The following RNF19B variants were observed in gnomAD, a reference collection of about 807,000 sequenced individuals.
The protein encoded by RNF19B is ring finger protein 19B.
Under a neutral mutation model 65.5 loss-of-function variants are expected in RNF19B, and 23 were observed. That is an observed-to-expected ratio of 0.35 (90% confidence interval 0.25 to 0.50). The LOEUF (loss-of-function observed/expected upper bound fraction) is 0.50, where lower values mean the gene tolerates loss of function less well. Among genes scored for constraint, RNF19B ranks in the 20% least tolerant of loss-of-function variants. The pLI is 0.98. For synonymous variants in RNF19B, 372 were observed against 379.6 expected, an observed-to-expected ratio of 0.98 and a Z score of 0.23; for missense variants, 794 against 980.0, an observed-to-expected ratio of 0.81 and a Z score of 2.53.
intron 1 of RNF19B, among the ~76,000 whole-genome samples, chr1:32,950,720 A>G (rs540746472): frequency 6.6e-6 from 1 of 152,016 alleles, no homozygotes; most frequent in East Asian, 1.9e-4. Flanking sequence ...TAATTTGCAT[A>G]GAGATGGGGT....
intron 7 of RNF19B, among the ~76,000 whole-genome samples, chr1:32,941,977 A>G (rs933754993): frequency 2.0e-5 from 3 of 151,888 alleles, no homozygotes; most frequent in Non-Finnish European, 4.4e-5. Flanking sequence ...GGTGCCTGTA[A>G]TCCCAGCTAC....
At position 32,938,393 on chromosome 1, in the gene RNF19B, A is replaced by G; in HGVS notation, c.1742+4T>C. 1 of 1,614,162 alleles carries G rather than the reference A, an allele frequency of 6.2e-7. No homozygotes were observed. Among genetic ancestry groups the G allele is most frequent in the East Asian group, 2.2e-5 (1 of 44,882 alleles). ...CTCTCCTGGACATCTGACTGTTCACATACCTGTCCTGTGGGTTGTAGGAAC... is the reference window on the plus strand; with the variant it reads ...CTCTCCTGGACATCTGACTGTTCACGTACCTGTCCTGTGGGTTGTAGGAAC... On this transcript the variant is annotated splice_donor_region_variant and intron_variant, in intron 8 of 8. Transcript: ENST00000235150.
In RNF19B at chr1:32,945,583, T is replaced by C. The variant is rs779552308; in HGVS notation, c.1192A>G (p.Asn398Asp). 2 of 1,613,888 alleles carry C rather than the reference T, an allele frequency of 1.2e-6. No homozygotes were observed. Among genetic ancestry groups the C allele is most frequent in the South Asian group, 2.2e-5 (2 of 91,076 alleles). The stretch of plus-strand genomic sequence containing the variant: ...GTCACTCCTCCAGTGATAGCCAAAT[T>C]CCTCTTGTGTTTGGAGGTTTTCCTT... Reference protein sequence around the residue: ...EGRKTSKHKRNLAITGGVTLS... With the variant: ...EGRKTSKHKRDLAITGGVTLS... Residue 398 changes from asparagine (N) to aspartate (D), a missense_variant, in exon 5 of 9, where the codon AAT (asparagine) becomes GAT (aspartate). Around this residue, in one of 3 missense-constraint regions of RNF19B, gnomAD observed 368 missense variants for 447.3 expected, o/e 0.82. Coordinates refer to ENST00000235150, the MANE Select transcript of RNF19B (RefSeq NM_001300826.2).
chr1:32,955,480 A>AGCACTTTG (rs1283516711), intron 1 of RNF19B, among the ~76,000 whole-genome samples: 3 of 151,898 alleles, frequency 2.0e-5, no homozygotes, highest in Admixed American at 6.6e-5. Context: ...CTGTAATCCC[A>AGCACTTTG]GCACTTTGGG....
intron 1 of RNF19B, among the ~76,000 whole-genome samples, chr1:32,952,957 A>G (rs1352374791): frequency 1.4e-5 from 2 of 145,220 alleles, no homozygotes; most frequent in African/African-American, 5.1e-5. Flanking sequence ...AAAGTTAATC[A>G]CACAATTTTT....
intron 1 of RNF19B, among the ~76,000 whole-genome samples, chr1:32,957,721 A>T (rs1427175442): frequency 6.6e-6 from 1 of 152,140 alleles, no homozygotes; most frequent in Non-Finnish European, 1.5e-5. Flanking sequence ...GTAATCCCAG[A>T]TACTTGGGAG....
chr1:32,964,064 C>A lies in RNF19B; in HGVS notation c.622G>T (p.Ala208Ser). ...ASDPDCRWCP[A>S]PDCGYAVIAY... ...CCCCGCGCTCACCCGCAGTCCGGGGCCGGGCACCAGCGGCAGTCGGGGTCC... is the reference window on the plus strand; with the variant it reads ...CCCCGCGCTCACCCGCAGTCCGGGGACGGGCACCAGCGGCAGTCGGGGTCC... The change falls in exon 1 of 9, where the codon GCC becomes TCC. Residue 208 changes from alanine to serine, a missense_variant. Coordinates refer to ENST00000235150, the MANE Select transcript of RNF19B (RefSeq NM_001300826.2). The surrounding 1 kb of genome is among the most constrained non-coding windows in gnomAD (Gnocchi z 6.5). 1 of 1,513,934 alleles carries A rather than the reference C, an allele frequency of 6.6e-7. No individual in the cohort carries two copies. 93.8% of individuals were successfully genotyped at this position (1,513,934 alleles called of 1,614,324 possible).
rs1443176592 is a variant in RNF19B, at chr1:32,944,145, T to C, written c.1276A>G (p.Ile426Val). 1.9e-6 allele frequency: 3 copies of C among 1,612,716 alleles called. No homozygotes were observed. The highest frequency in any genetic ancestry group is 2.5e-6 in the Non-Finnish European group (3 of 1,179,372). ...ACCCCATAAACATATGCCAGCATAA[T>C]GGGGACACCAATACCTGGGGGAAGA... ...AAVSVGIGVP[I>V]MLAYVYGVVP... The change falls in exon 6 of 9, where the codon ATT becomes GTT. Residue 426 changes from isoleucine (I) to valine (V), a missense_variant. Ile to Val is a conservative substitution (Grantham distance 29). Around this residue, in one of 3 missense-constraint regions of RNF19B, gnomAD observed 368 missense variants for 447.3 expected, o/e 0.82. Coordinates refer to ENST00000235150, the MANE Select transcript of RNF19B (RefSeq NM_001300826.2).
intron 8 of RNF19B, among the ~76,000 whole-genome samples, chr1:32,938,140 C>CAAAAAA (rs80176999): frequency 6.5e-4 from 30 of 46,048 alleles, no homozygotes; most frequent in South Asian, 1.0e-3. Flanking sequence ...CCAAGAAAGA[C>CAAAAAA]AAAAAAAAAA....
intron 7 of RNF19B, among the ~76,000 whole-genome samples, chr1:32,940,241 C>T (rs77919043): frequency 7.5e-4 from 114 of 152,258 alleles, no homozygotes; most frequent in African/African-American, 2.6e-3. Context: ...GTTCATGCAA[C>T]GGCTGTGCTA....
At position 32,942,303 on chromosome 1, in the gene RNF19B, C is replaced by G. The variant is rs1557567150; in HGVS notation, c.1559G>C (p.Gly520Ala). The change falls in exon 7 of 9, where the codon GGG becomes GCG. Residue 520 changes from glycine (G) to alanine (A), a missense_variant. Around this residue, in one of 3 missense-constraint regions of RNF19B, gnomAD observed 368 missense variants for 447.3 expected, o/e 0.82. Transcript: ENST00000235150. ...GAGAATGCCGCCACTCAGCGTGCCC[C>G]CTGAGAGGGCTGCAAAGCTGGCCGT... ...SETASFAALS[G>A]GTLSGGILSS... 2.5e-6 allele frequency: 4 copies of G among 1,614,044 alleles called. No individual in the cohort carries two copies. The highest frequency in any genetic ancestry group is 3.3e-4 in the Middle Eastern group (2 of 6,062).
In RNF19B at chr1:32,937,098, G is replaced by T. The variant is rs772933089; in HGVS notation, c.1904C>A (p.Pro635His). ...SGGGGSEEDP[P>H]CRHQSCEQKD... ...CTGTTCACAGCTTTGGTGTCTGCAGGGGGGATCCTCTTCACTGCCTCCGCC... is the reference window on the plus strand; with the variant it reads ...CTGTTCACAGCTTTGGTGTCTGCAGTGGGGATCCTCTTCACTGCCTCCGCC... Residue 635 changes from proline (P) to histidine (H), a missense_variant, in exon 9 of 9, where the codon CCC becomes CAC. Pro to His is a moderately conservative substitution (Grantham distance 77). Around this residue, in one of 3 missense-constraint regions of RNF19B, gnomAD observed 368 missense variants for 447.3 expected, o/e 0.82. Transcript: ENST00000235150. The T allele has an allele frequency of 1.9e-6, 3 of 1,614,144 alleles. No individual in the cohort carries two copies. The highest frequency in any genetic ancestry group is 1.7e-5 in the Admixed American group (1 of 60,008).
chr1:32,954,916 A>AC (rs1219520456), intron 1 of RNF19B, among the ~76,000 whole-genome samples: 4 of 151,902 alleles, frequency 2.6e-5, no homozygotes, highest in Non-Finnish European at 5.9e-5. Context: ...GCTTTTACAT[A>AC]CTCTATTCCT....
chr1:32,932,194 T>C (rs1642036013), downstream of RNF19B, among the ~76,000 whole-genome samples: 1 of 152,182 alleles, frequency 6.6e-6, no homozygotes, highest in Non-Finnish European at 1.5e-5. Context: ...TAGCCTTCCA[T>C]GTGAGCTGCT....
chr1:32,961,398 T>C (rs1157985370), intron 1 of RNF19B, among the ~76,000 whole-genome samples: 2 of 152,216 alleles, frequency 1.3e-5, no homozygotes, highest in South Asian at 2.1e-4. Context: ...TTGGCATTGG[T>C]TGGAATTAAG....
chr1:32,942,209 T>C (rs1210931961), intron 7 of RNF19B, 43 bp downstream of exon 7: 2 of 1,516,100 alleles, frequency 1.3e-6, no homozygotes, highest in Non-Finnish European at 1.8e-6. Context: ...TGTTACTTCT[T>C]ATAATTCTAA....
downstream of RNF19B, among the ~76,000 whole-genome samples, chr1:32,934,230 T>C (rs1443139007): frequency 6.6e-6 from 1 of 152,228 alleles, no homozygotes; most frequent in Non-Finnish European, 1.5e-5. Context: ...TGTCCAGACT[T>C]GCCATCCTCA....
intron 2 of RNF19B, among the ~76,000 whole-genome samples, chr1:32,948,666 G>A (rs1642422695): frequency 6.6e-6 from 1 of 152,278 alleles, no homozygotes; most frequent in African/African-American, 2.4e-5. Flanking sequence ...CAAGAAAAAT[G>A]AAATTTCTAC....
intron 5 of RNF19B, 45 bp downstream of exon 5, chr1:32,945,469 G>C (rs766447585): frequency 1.6e-6 from 2 of 1,266,650 alleles, no homozygotes; most frequent in Non-Finnish European, 2.3e-6. Flanking sequence ...AAACTGCTAT[G>C]GTCAGAAAGC....
Sources: gnomAD v4.1 joint callset for allele counts (sites outside exome capture counted in the v4.1 genomes callset) on GRCh38, gnomAD v4.1.1 for gene constraint, gnomAD v4.1.1 regional missense constraint, Gnocchi (gnomAD v3.1) non-coding constraint, MANE v1.5 for transcripts, NCBI Gene and HGNC (gene_info 2026-07-23, HGNC 2026-07-21) for gene names.